CCNH: variants seen among roughly 807,000 people sequenced by gnomAD.
CCNH encodes cyclin-H.
CCNH carries 31 observed loss-of-function variants against 41.9 expected under a neutral mutation model. That is an observed-to-expected ratio of 0.74 (90% CI 0.56 to 1.00). CCNH has a LOEUF of 1.00. Ranked by LOEUF, CCNH falls within the 50% of genes least tolerant of loss-of-function variation. The pLI is 0.00. For missense variants in CCNH, 362 were observed against 388.4 expected, an observed-to-expected ratio of 0.93 and a Z score of 0.57; for synonymous variants, 138 against 136.1, an observed-to-expected ratio of 1.01 and a Z score of -0.10.
chr5:87,403,283 A>G (rs989135319), intron 5 of CCNH, among the ~76,000 whole-genome samples: 1 of 151,518 alleles, frequency 6.6e-6, no homozygotes, highest in Non-Finnish European at 1.5e-5. Context: ...ACGAAAGCCT[A>G]TTAAATTTGC....
chr5:87,393,475 T>TAA (rs1396342322), downstream of CCNH: 4 of 152,230 alleles, frequency 2.6e-5, no homozygotes, highest in Non-Finnish European at 4.4e-5. Context: ...AGAGGTTTAA[T>TAA]AACTTACCAA....
chr5:87,380,470 C>G (rs771791337), upstream of CCNH: 25 of 1,539,310 alleles, frequency 1.6e-5, no homozygotes, highest in Non-Finnish European at 2.1e-5. Flanking sequence ...AGTGTTTTCA[C>G]TTGCTTTCTG....
chr5:87,380,970 T>A (rs1016001046), upstream of CCNH, among the ~76,000 whole-genome samples: 4 of 152,182 alleles, frequency 2.6e-5, no homozygotes, highest in African/African-American at 9.7e-5. Flanking sequence ...ATTAATTGGT[T>A]TGTTACAATC....
exon 10 of CCNH, chr5:87,318,476 G>A (rs931272219): frequency 1.2e-4 from 18 of 153,426 alleles, no homozygotes; most frequent in African/African-American, 3.1e-4. Context: ...GAAGCATGGC[G>A]GGGGAGGCCT....
intron 9 of CCNH, among the ~76,000 whole-genome samples, chr5:87,382,644 A>T (rs751521762): frequency 2.0e-5 from 3 of 152,222 alleles, no homozygotes; most frequent in Non-Finnish European, 1.5e-5. Context: ...AGGAGTATCT[A>T]TGCAAGCTTT....
chr5:87,405,700 C>G (rs1223883932), intron 4 of CCNH, among the ~76,000 whole-genome samples: 2 of 152,080 alleles, frequency 1.3e-5, no homozygotes, highest in Non-Finnish European at 2.9e-5. Flanking sequence ...TACTTCACAG[C>G]TGTTCTCCCT....
chr5:87,363,694 C>T (rs1164168008), intron 9 of CCNH, among the ~76,000 whole-genome samples: 1 of 151,992 alleles, frequency 6.6e-6, no homozygotes, highest in Non-Finnish European at 1.5e-5. Flanking sequence ...TTGTGTTGCA[C>T]AGAAATCTTT....
intron 5 of CCNH, among the ~76,000 whole-genome samples, chr5:87,404,085 C>T (rs940874961): frequency 8.5e-5 from 13 of 152,142 alleles, no homozygotes; most frequent in African/African-American, 3.1e-4. Context: ...ATCCTAGATG[C>T]AGATGTGTTG....
chr5:87,332,094 CATG>C (rs1379720466), intron 9 of CCNH, among the ~76,000 whole-genome samples: 1 of 151,976 alleles, frequency 6.6e-6, no homozygotes, highest in East Asian at 1.9e-4. Context: ...TCAGTAGTAC[CATG>C]ATACCACATG....
At chr5:87,316,611 A>T (rs1756360168), downstream of CCNH, among the ~76,000 whole-genome samples, 1 of 152,182 alleles carries the variant, frequency 6.6e-6, no homozygotes, top group African/African-American at 2.4e-5. Context: ...AGGATTGAGA[A>T]CATGGAGAGT....
At position 87,395,071 on chromosome 5, in the gene CCNH, G is replaced by A. The variant is rs772259326; in HGVS notation, c.906C>T (p.Tyr302=). 9.9e-6 allele frequency: 16 copies of A among 1,610,532 alleles called. No individual in the cohort carries two copies. The East Asian group carries it at 1.3e-4, about 13-fold the overall frequency. The change falls in exon 8 of 9, where the codon TAC becomes TAT. Residue 302 remains tyrosine (Y), a synonymous_variant. Transcript: ENST00000256897. ...KKRKGYEDDD[Y]VSKKSKHEEE... ...CCTCATGTTTGGATTTCTTTGAGAC[G>A]TAATCATCATCTTCATAGCCTTTCC...
At chr5:87,398,322 T>C (rs1397187626) in intron 7 of CCNH, among the ~76,000 whole-genome samples, 1 of 152,248 alleles carries the variant, frequency 6.6e-6, no homozygotes, top group Non-Finnish European at 1.5e-5. Context: ...ATTGCTGTTC[T>C]GGCTTTTCAT....
chr5:87,353,009 G>A, intron 9 of CCNH: 1 of 627,976 alleles, frequency 1.6e-6, no homozygotes, highest in Non-Finnish European at 2.9e-6. Context: ...TGAATGTTAT[G>A]ATCATTTATT....
downstream of CCNH, among the ~76,000 whole-genome samples, chr5:87,375,142 G>C (rs1257308641): frequency 6.6e-6 from 1 of 152,156 alleles, no homozygotes; most frequent in Admixed American, 6.5e-5. Context: ...AAGCAATTAA[G>C]ATTAAAATAT....
In CCNH at chr5:87,322,003, A is replaced by C. The variant is rs145624541; in HGVS notation, c.*91-3106T>G. 2.7e-3 allele frequency among the ~76,000 whole-genome samples: 405 copies of C among 152,296 alleles called. 5 individuals carry two copies. Among genetic ancestry groups the C allele is most frequent in the East Asian group, 8.1e-3 (42 of 5,176 alleles). The stretch of plus-strand genomic sequence containing the variant: ...TAAAAGACTATAACAAGGGTGATAT[A>C]GCTTGAATGTGTGTCCCCTCCAAAT... On this transcript the variant is annotated intron_variant and NMD_transcript_variant, in intron 9 of 9. Coordinates refer to the CCNH transcript ENST00000645953.
chr5:87,317,580 T>A (rs1224215728), downstream of CCNH, among the ~76,000 whole-genome samples: 1 of 152,184 alleles, frequency 6.6e-6, no homozygotes, highest in Admixed American at 6.6e-5. Flanking sequence ...TTGTCTCTTC[T>A]GTTTTTAAGG....
chr5:87,371,113 T>C (rs535582817), intron 9 of CCNH, among the ~76,000 whole-genome samples: 15 of 152,166 alleles, frequency 9.9e-5, no homozygotes, highest in South Asian at 2.1e-4. Context: ...ATGGTCCCTC[T>C]TTCTGAATAA....
chr5:87,394,792 A>G, intron 8 of CCNH: 2 of 1,342,510 alleles, frequency 1.5e-6, no homozygotes, highest in Non-Finnish European at 9.5e-7. Context: ...AAAAAAAGCA[A>G]AAATGTAGTA....
At chr5:87,344,794 C>T (rs1282214015) in intron 9 of CCNH, among the ~76,000 whole-genome samples, 1 of 150,318 alleles carries the variant, frequency 6.7e-6, no homozygotes, top group African/African-American at 2.4e-5. Context: ...GTTGGGATTA[C>T]AGGTGTGAGC....
Sources: allele counts gnomAD v4.1 joint callset (sites outside exome capture counted in the v4.1 genomes callset), GRCh38; gene constraint gnomAD v4.1.1; transcripts MANE v1.5; gene names NCBI Gene and HGNC (gene_info 2026-07-23, HGNC 2026-07-21).